Variants in ZFHX3 observed in about 807,000 individuals in gnomAD.
ZFHX3 encodes zinc finger homeobox 3, also known as zinc finger homeobox protein 3.
Under a neutral mutation model 279.1 loss-of-function variants are expected in ZFHX3, and 42 were observed. That is an observed-to-expected ratio of 0.15 (90% confidence interval 0.12 to 0.19). ZFHX3 has a LOEUF of 0.19. Ranked by LOEUF, ZFHX3 falls within the 10% of genes least tolerant of loss-of-function variation. The pLI, the probability that ZFHX3 is intolerant of heterozygous loss-of-function variation, is 1.00. For missense variants in ZFHX3, 4,981 were observed against 4,754.0 expected (o/e 1.05, Z -1.40); for synonymous variants, 2,293 against 1,957.8 (o/e 1.17, Z -4.52).
At chr16:73,306,231 T>A (rs1012639619) in intron 4 of ZFHX3, among the ~76,000 whole-genome samples, 1 of 152,250 alleles carries the variant, frequency 6.6e-6, no homozygotes, top group African/African-American at 2.4e-5. Context: ...TTGTTCTTTG[T>A]TCTTCATATC....
chr16:73,731,604 C>A (rs1380862615), intron 1 of ZFHX3, among the ~76,000 whole-genome samples: 1 of 151,424 alleles, frequency 6.6e-6, no homozygotes, highest in Non-Finnish European at 1.5e-5. Flanking sequence ...GCAATCACTG[C>A]ACTTTATAGC....
chr16:73,494,520 T>G (rs2019105380), intron 2 of ZFHX3, among the ~76,000 whole-genome samples: 1 of 152,168 alleles, frequency 6.6e-6, no homozygotes, highest in Admixed American at 6.5e-5. Context: ...AATCTTGTTC[T>G]GTGTATATTA....
chr16:73,870,010 T>G (rs1962121209), intron 1 of ZFHX3, among the ~76,000 whole-genome samples: 1 of 152,218 alleles, frequency 6.6e-6, no homozygotes, highest in Admixed American at 6.5e-5. Flanking sequence ...TAAAGTAGTT[T>G]AATAAAGCTT....
intron 1 of ZFHX3, among the ~76,000 whole-genome samples, chr16:73,692,196 T>C (rs1045306656): frequency 1.3e-5 from 2 of 152,176 alleles, no homozygotes; most frequent in African/African-American, 4.8e-5. Flanking sequence ...TTAGTGACAC[T>C]TCTAATAAAT....
intron 7 of ZFHX3, among the ~76,000 whole-genome samples, chr16:72,808,338 C>CA: frequency 6.6e-6 from 1 of 152,094 alleles, no homozygotes; most frequent in East Asian, 1.9e-4. Context: ...CCTGGTTGCT[C>CA]ATTTTTTTTT....
At chr16:72,906,075 A>G (rs1369185264) in intron 3 of ZFHX3, among the ~76,000 whole-genome samples, 1 of 151,876 alleles carries the variant, frequency 6.6e-6, no homozygotes, top group African/African-American at 2.4e-5. Context: ...AAACTCTGGG[A>G]TCTCCAGCCT....
At chr16:73,735,722 T>C (rs1270101317) in intron 1 of ZFHX3, among the ~76,000 whole-genome samples, 1 of 152,124 alleles carries the variant, frequency 6.6e-6, no homozygotes, top group Non-Finnish European at 1.5e-5. Context: ...TGCCTCCCCA[T>C]AGACATTCCC....
intron 3 of ZFHX3, among the ~76,000 whole-genome samples, chr16:72,908,955 C>A (rs2039252789): frequency 6.6e-6 from 1 of 152,182 alleles, no homozygotes. Flanking sequence ...ACTGTCCTTC[C>A]CATAGAAACG....
chr16:73,622,966 T>A (rs181791310), intron 2 of ZFHX3, among the ~76,000 whole-genome samples: 16 of 152,306 alleles, frequency 1.1e-4, no homozygotes, highest in African/African-American at 3.8e-4. Context: ...GTTGTTTTTA[T>A]CCTCGTCCAA....
intron 1 of ZFHX3, among the ~76,000 whole-genome samples, chr16:73,771,310 A>T (rs1511924): frequency 3.3e-5 from 5 of 151,924 alleles, no homozygotes; most frequent in Non-Finnish European, 7.4e-5. Context: ...CCCCTTAAGC[A>T]GGAGATCCTG....
At chr16:73,210,839 T>C (rs979141013) in intron 5 of ZFHX3, among the ~76,000 whole-genome samples, 1 of 152,204 alleles carries the variant, frequency 6.6e-6, no homozygotes, top group Non-Finnish European at 1.5e-5. Context: ...CTTTTTTTTT[T>C]CCCAAAAGAT....
At chr16:72,819,967 T>C (rs917733923) in intron 5 of ZFHX3, among the ~76,000 whole-genome samples, 5 of 152,236 alleles carry the variant, frequency 3.3e-5, no homozygotes, top group Non-Finnish European at 5.9e-5. Context: ...TGTGGGCTCC[T>C]TCCACCTTGC....
upstream of ZFHX3, among the ~76,000 whole-genome samples, chr16:73,050,218 A>G (rs918226752): frequency 6.6e-6 from 1 of 152,230 alleles, no homozygotes; most frequent in Non-Finnish European, 1.5e-5. Context: ...CCAAAGAACA[A>G]GCTATTAAAG....
At chr16:73,306,252 C>A (rs191027874) in intron 4 of ZFHX3, among the ~76,000 whole-genome samples, 1 of 152,280 alleles carries the variant, frequency 6.6e-6, no homozygotes, top group African/African-American at 2.4e-5. Context: ...TTAAAAAAAT[C>A]AATATAGATC....
chr16:73,304,482 G>A (rs2015133436), intron 4 of ZFHX3, among the ~76,000 whole-genome samples: 1 of 152,156 alleles, frequency 6.6e-6, no homozygotes, highest in Admixed American at 6.5e-5. Flanking sequence ...GTCCAGGCTG[G>A]TGGATTCAGC....
In ZFHX3 at chr16:72,958,624, G is replaced by T. The variant is rs1193080931; in HGVS notation, c.1522C>A (p.His508Asn). Reference sequence around the variant, plus strand: ...CCTGCTGCGGCCCCAGGCTCCTCATGGGGCCTGTCCTCCAGTTCCTCATCC... The same window carrying T: ...CCTGCTGCGGCCCCAGGCTCCTCATTGGGCCTGTCCTCCAGTTCCTCATCC... ...ELDEELEDRP[H>N]EEPGAAAGSS... Residue 508 changes from histidine (H) to asparagine (N), a missense_variant, in exon 2 of 10, where the codon CAT (histidine) becomes AAT (asparagine). His to Asn is a moderately conservative substitution (Grantham distance 68). This residue lies in a region of ZFHX3 where 1,068 missense variants were observed against 935.2 expected (regional missense o/e 1.14). Coordinates refer to ENST00000268489, the MANE Select transcript of ZFHX3 (RefSeq NM_006885.4). 1 of 1,614,110 alleles carries T rather than the reference G, an allele frequency of 6.2e-7. No individual in the cohort carries two copies. Among genetic ancestry groups the T allele is most frequent in the African/African-American group, 1.3e-5 (1 of 75,022 alleles).
At chr16:73,085,317 A>G (rs1262456814) in intron 8 of ZFHX3, among the ~76,000 whole-genome samples, 1 of 152,154 alleles carries the variant, frequency 6.6e-6, no homozygotes, top group Non-Finnish European at 1.5e-5. Flanking sequence ...GCTGGAGTGT[A>G]ATGGCACAAT....
chr16:73,451,125 T>C (rs1332049962), intron 3 of ZFHX3, among the ~76,000 whole-genome samples: 2 of 152,186 alleles, frequency 1.3e-5, no homozygotes, highest in African/African-American at 4.8e-5. Context: ...TGATGCTGCC[T>C]CAGTGGGTGA....
chr16:73,398,632 T>G (rs2017180082), intron 3 of ZFHX3, among the ~76,000 whole-genome samples: 1 of 152,222 alleles, frequency 6.6e-6, no homozygotes, highest in Admixed American at 6.5e-5. Context: ...AGCCTATCTG[T>G]AAGCACACCA....
Sources: gnomAD v4.1 joint callset for allele counts (sites outside exome capture counted in the v4.1 genomes callset) on GRCh38, gnomAD v4.1.1 for gene constraint, gnomAD v4.1.1 regional missense constraint, MANE v1.5 for transcripts, NCBI Gene and HGNC (gene_info 2026-07-23, HGNC 2026-07-21) for gene names.